Variants in CEP112 observed in about 807,000 individuals in gnomAD.
CEP112 encodes centrosomal protein of 112 kDa.
CEP112 carries 127 observed loss-of-function variants against 153.0 expected under a neutral mutation model. The ratio of observed to expected loss-of-function variants is 0.83; its 90% CI spans 0.72 to 0.96. The LOEUF (loss-of-function observed/expected upper bound fraction) is 0.96, where lower values mean the gene tolerates loss of function less well. Ranked by LOEUF, CEP112 falls within the 40% of genes least tolerant of loss-of-function variation. The pLI, the probability that CEP112 is intolerant of heterozygous loss-of-function variation, is 0.00. For synonymous variants in CEP112, 358 were observed against 374.4 expected (o/e 0.96, Z 0.51); for missense variants, 1,089 against 1,101.2 (o/e 0.99, Z 0.16).
intron 21 of CEP112, 192 bp from the exon 22 acceptor site, chr17:65,750,916 T>C: frequency 1.9e-6 from 1 of 515,448 alleles, no homozygotes; most frequent in Non-Finnish European, 3.4e-6. Context: ...AAAAAAAAGA[T>C]CTCTTCTGCC....
At chr17:66,164,841 T>C (rs1309506486) in intron 4 of CEP112, among the ~76,000 whole-genome samples, 1 of 149,620 alleles carries the variant, frequency 6.7e-6, no homozygotes, top group Non-Finnish European at 1.5e-5. Context: ...GGCAACAAAG[T>C]GAAACTCCAT....
intron 21 of CEP112, among the ~76,000 whole-genome samples, chr17:65,806,517 C>T (rs2055609488): frequency 6.6e-6 from 1 of 152,194 alleles, no homozygotes; most frequent in Non-Finnish European, 1.5e-5. Flanking sequence ...TGTGTCCCCA[C>T]CCAAATCTCA....
intron 23 of CEP112, among the ~76,000 whole-genome samples, chr17:65,705,233 T>C (rs1007009278): frequency 2.0e-5 from 3 of 152,246 alleles, no homozygotes; most frequent in African/African-American, 7.2e-5. Flanking sequence ...TTTTCAGATA[T>C]AAGAATCTGC....
chr17:65,827,968 T>TTCTCTA (rs1165205992), intron 21 of CEP112, among the ~76,000 whole-genome samples: 5 of 152,210 alleles, frequency 3.3e-5, no homozygotes, highest in Admixed American at 2.6e-4. Context: ...TCCCTGAATC[T>TTCTCTA]TCTCTATCAT....
chr17:65,638,059 T>C lies in CEP112; in HGVS notation c.2800-871A>G, dbSNP rs138960936. On this transcript the variant is annotated intron_variant, in intron 25 of 26. Transcript: ENST00000535342. ...TGATGCTTAATCTGTGAAATGGGATTAATGACAGCTACTTCCCAAGGTTAT... is the reference window on the plus strand; with the variant it reads ...TGATGCTTAATCTGTGAAATGGGATCAATGACAGCTACTTCCCAAGGTTAT... Among the ~76,000 whole-genome samples the C allele has an allele frequency of 5.9e-3, 903 of 152,326 alleles. 4 individuals are homozygous for C. The highest frequency in any genetic ancestry group is 8.5e-3 in the Non-Finnish European group (579 of 68,034).
intron 21 of CEP112, among the ~76,000 whole-genome samples, chr17:65,847,860 T>C (rs959360868): frequency 2.0e-5 from 3 of 152,124 alleles, no homozygotes; most frequent in East Asian, 1.9e-4. Flanking sequence ...AGGTTGGCCA[T>C]TGAAAAAATC....
intron 21 of CEP112, among the ~76,000 whole-genome samples, chr17:65,751,948 GTCCTTCTA>G (rs1395285705): frequency 7.6e-6 from 1 of 130,762 alleles, no homozygotes; most frequent in Non-Finnish European, 1.6e-5. Context: ...TTGCAATACA[GTCCTTCTA>G]TCTATCTATC....
At position 66,081,808 on chromosome 17, in the gene CEP112, G is replaced by A. The variant is rs143076048; in HGVS notation, c.769-11807C>T. ...CACGCATCTGTAGTCCCAGCTACTC[G>A]GGAGGCTGAGGCAGGAGAATCGCTT... On this transcript the variant is annotated intron_variant, in intron 8 of 26. Transcript: ENST00000535342. 4.6e-3 allele frequency among the ~76,000 whole-genome samples: 696 copies of A among 152,142 alleles called. 3 individuals are homozygous for A. Among genetic ancestry groups the A allele is most frequent in the Non-Finnish European group, 8.0e-3 (543 of 67,998 alleles).
At chr17:66,022,584 C>T (rs1313357539) in intron 16 of CEP112, among the ~76,000 whole-genome samples, 1 of 151,826 alleles carries the variant, frequency 6.6e-6, no homozygotes, top group Admixed American at 6.6e-5. Context: ...TGGCAGGCAC[C>T]TGTAGTCCCA....
At chr17:65,678,823 T>C (rs1157300901) in intron 24 of CEP112, among the ~76,000 whole-genome samples, 1 of 149,700 alleles carries the variant, frequency 6.7e-6, no homozygotes, top group African/African-American at 2.4e-5. Flanking sequence ...AGCAAGCACA[T>C]AGAGGATCCT....
intron 21 of CEP112, among the ~76,000 whole-genome samples, chr17:65,771,369 T>C (rs1198444764): frequency 2.6e-5 from 4 of 152,146 alleles, no homozygotes; most frequent in Admixed American, 2.0e-4. Context: ...TACCTAATTT[T>C]AAGGGCTTCA....
intron 21 of CEP112, among the ~76,000 whole-genome samples, chr17:65,804,592 A>G (rs2055477729): frequency 6.6e-6 from 1 of 152,176 alleles, no homozygotes. Flanking sequence ...TTCTGGGCAG[A>G]ATAAGAAACT....
intron 6 of CEP112, among the ~76,000 whole-genome samples, chr17:66,103,748 A>C (rs1457452233): frequency 6.6e-6 from 1 of 152,188 alleles, no homozygotes; most frequent in Non-Finnish European, 1.5e-5. Context: ...GACAGTCTTA[A>C]ATCACCTGCA....
intron 16 of CEP112, among the ~76,000 whole-genome samples, chr17:66,011,287 T>G (rs1188099248): frequency 6.6e-6 from 1 of 152,170 alleles, no homozygotes; most frequent in Admixed American, 6.5e-5. Context: ...GGTTTGCTCA[T>G]TTCTCTGGTT....
chr17:65,686,308 A>T (rs548791284), intron 24 of CEP112, among the ~76,000 whole-genome samples: 34 of 152,278 alleles, frequency 2.2e-4, no homozygotes, highest in African/African-American at 7.9e-4. Flanking sequence ...TGTCACTACA[A>T]AGATGAAAGT....
chr17:65,875,356 G>A (rs2077013570), intron 20 of CEP112, among the ~76,000 whole-genome samples: 1 of 152,016 alleles, frequency 6.6e-6, no homozygotes, highest in African/African-American at 2.4e-5. Flanking sequence ...AAACCAAGTA[G>A]TATAGAAATG....
chr17:66,109,637 T>C (rs1327314780), intron 6 of CEP112, among the ~76,000 whole-genome samples: 1 of 151,294 alleles, frequency 6.6e-6, no homozygotes, highest in Non-Finnish European at 1.5e-5. Context: ...GGCTAAAGAC[T>C]GAAAAAAAAA....
At chr17:65,898,276 T>C (rs575956376) in intron 20 of CEP112, among the ~76,000 whole-genome samples, 13 of 152,064 alleles carry the variant, frequency 8.5e-5, no homozygotes, top group Admixed American at 8.5e-4. Flanking sequence ...CTTCGAGTAA[T>C]CTTTAAAGAA....
intron 21 of CEP112, chr17:65,797,304 T>G (rs1189567133): frequency 6.6e-6 from 1 of 152,186 alleles, no homozygotes; most frequent in Non-Finnish European, 1.5e-5. Flanking sequence ...AAGGGATTGT[T>G]GAGATGTCCA....
Sources: allele counts gnomAD v4.1 joint callset (sites outside exome capture counted in the v4.1 genomes callset), GRCh38; gene constraint gnomAD v4.1.1; transcripts MANE v1.5; gene names NCBI Gene and HGNC (gene_info 2026-07-23, HGNC 2026-07-21).